Variants in PARD3B observed in about 807,000 individuals in gnomAD.
The protein encoded by PARD3B is par-3 family cell polarity regulator beta.
A neutral mutation model predicts 130.2 loss-of-function variants in PARD3B; 103 were observed. The observed-to-expected ratio is 0.79, with a 90% CI of 0.67 to 0.93. PARD3B has a LOEUF of 0.93. Among genes scored for constraint, PARD3B ranks in the 40% least tolerant of loss-of-function variants. PARD3B has a pLI of 0.00. For missense variants in PARD3B, 1,609 were observed against 1,499.2 expected, an observed-to-expected ratio of 1.07 and a Z score of -1.21; for synonymous variants, 583 against 553.2, an observed-to-expected ratio of 1.05 and a Z score of -0.76.
rs537177764 is a variant in PARD3B at position 205,483,932 on chromosome 2, A to G, written c.3045-15964A>G. ...ACATGTTACCTCCTTTCATCTTAAT[A>G]TGGAATGTACAACATAACACAACGC... On this transcript the variant is annotated intron_variant, in intron 20 of 22. Transcript: ENST00000406610. Among the ~76,000 whole-genome samples, 8 of 152,334 alleles carry G rather than the reference A, an allele frequency of 5.3e-5. No individual in the cohort carries two copies. The East Asian group carries it at 1.5e-3, about 29-fold the overall frequency.
In PARD3B at chr2:205,571,561, T is replaced by C. The variant is rs142833835; in HGVS notation, c.3260+18158T>C. On this transcript the variant is annotated intron_variant, in intron 22 of 22. Transcript: ENST00000406610. ...TATCTCAAAGAATCAACAGGGAGAG[T>C]AAAACAAAAATAACCAGATGTCCCA... Among the ~76,000 whole-genome samples the C allele has an allele frequency of 7.4e-3, 1,121 of 150,676 alleles. 13 individuals carry two copies. The highest frequency in any genetic ancestry group is 0.026 in the African/African-American group (1,066 of 41,024).
At chr2:205,452,373 C>T (rs1192664557) in intron 20 of PARD3B, among the ~76,000 whole-genome samples, 1 of 152,122 alleles carries the variant, frequency 6.6e-6, no homozygotes, top group African/African-American at 2.4e-5. Flanking sequence ...TGTGTAGGGA[C>T]TTGAACAGTG....
chr2:204,548,172 A>G (rs1248470148), intron 1 of PARD3B, among the ~76,000 whole-genome samples: 1 of 152,198 alleles, frequency 6.6e-6, no homozygotes, highest in Non-Finnish European at 1.5e-5. Flanking sequence ...TGGCACTAAA[A>G]GGTCAATAAA....
In PARD3B at chr2:204,678,190, A is replaced by C. The variant is rs1319827217; in HGVS notation, c.121-7991A>C. Among the ~76,000 whole-genome samples, 1 of 152,120 alleles carries C rather than the reference A, an allele frequency of 6.6e-6. No homozygotes were observed. The highest frequency in any genetic ancestry group is 2.4e-5 in the African/African-American group (1 of 41,420). On this transcript the variant is annotated intron_variant, in intron 1 of 22. Transcript: ENST00000406610. This position sits in a 1 kb window ranked among gnomAD's most constrained non-coding sequence, Gnocchi z 4.2. The stretch of plus-strand genomic sequence containing the variant: ...TTGTGGGAGGGGGAGCACGCAGGTG[A>C]GCAGGTGCAGGACCTGGGGCAAGTG...
At chr2:204,597,795 C>G (rs1227098171) in intron 1 of PARD3B, among the ~76,000 whole-genome samples, 2 of 152,010 alleles carry the variant, frequency 1.3e-5, no homozygotes, top group African/African-American at 4.8e-5. Context: ...CCTTTATAGA[C>G]CCTTGGTATT....
chr2:205,001,354 T>G (rs1020352983), intron 3 of PARD3B, among the ~76,000 whole-genome samples: 1 of 152,218 alleles, frequency 6.6e-6, no homozygotes, highest in African/African-American at 2.4e-5. Flanking sequence ...GGATCCTAAC[T>G]CTTTCTTTGG....
intron 18 of PARD3B, among the ~76,000 whole-genome samples, chr2:205,324,425 A>G (rs187477208): frequency 1.0e-3 from 154 of 152,300 alleles, no homozygotes; most frequent in African/African-American, 3.5e-3. Context: ...TACTTCTTTA[A>G]AAACAAGGAT....
rs1162593368 is a variant in PARD3B, at chr2:204,907,219, A to G, written c.223-57933A>G. Among the ~76,000 whole-genome samples, 2 of 152,064 alleles carry G rather than the reference A, an allele frequency of 1.3e-5. No homozygotes were observed. The highest frequency in any genetic ancestry group is 2.9e-5 in the Non-Finnish European group (2 of 68,014). On this transcript the variant is annotated intron_variant, in intron 2 of 22. Transcript: ENST00000406610. This position sits in a 1 kb window ranked among gnomAD's most constrained non-coding sequence, Gnocchi z 5.7. The stretch of plus-strand genomic sequence containing the variant: ...ATGGTCTTGATCTTCTGACCTTGTT[A>G]TCCACCCACCTCGGCCTCCCAAAGT...
chr2:205,306,398 C>T (rs976097425), intron 18 of PARD3B, among the ~76,000 whole-genome samples: 2 of 152,052 alleles, frequency 1.3e-5, no homozygotes, highest in African/African-American at 4.8e-5. Flanking sequence ...AAGGTGTTAA[C>T]GAAAAACACT....
chr2:204,926,204 C>G (rs1687604307), intron 2 of PARD3B, among the ~76,000 whole-genome samples: 1 of 151,962 alleles, frequency 6.6e-6, no homozygotes. Context: ...AAAGTAATCC[C>G]CCAGAGAAAA....
intron 16 of PARD3B, among the ~76,000 whole-genome samples, chr2:205,296,044 A>T (rs2105888350): frequency 6.6e-6 from 1 of 152,304 alleles, no homozygotes; most frequent in East Asian, 1.9e-4. Flanking sequence ...GAATTCAATG[A>T]TGGATTGAAC....
intron 4 of PARD3B, among the ~76,000 whole-genome samples, chr2:205,092,583 G>T (rs778334436): frequency 6.6e-6 from 1 of 152,172 alleles, no homozygotes; most frequent in South Asian, 2.1e-4. Context: ...GAAGAGGACA[G>T]TTGCCCCAAG....
intron 2 of PARD3B, among the ~76,000 whole-genome samples, chr2:204,808,458 A>G (rs1198567172): frequency 1.3e-5 from 2 of 152,056 alleles, no homozygotes; most frequent in African/African-American, 4.8e-5. Context: ...CTAGTACCCA[A>G]TAGCTGTTTT....
chr2:205,614,564 G>A (rs951896008), intron 22 of PARD3B, among the ~76,000 whole-genome samples: 5 of 152,014 alleles, frequency 3.3e-5, no homozygotes, highest in African/African-American at 1.2e-4. Flanking sequence ...AACTTAGTCA[G>A]GTGTAGTGGT....
intron 18 of PARD3B, among the ~76,000 whole-genome samples, chr2:205,356,405 G>A (rs1385229581): frequency 6.6e-6 from 1 of 152,064 alleles, no homozygotes; most frequent in African/African-American, 2.4e-5. Context: ...AGGCTGGAGT[G>A]CAGAGGAATG....
intron 1 of PARD3B, among the ~76,000 whole-genome samples, chr2:204,656,204 T>G (rs528855038): frequency 5.9e-5 from 9 of 151,936 alleles, no homozygotes; most frequent in African/African-American, 2.2e-4. Flanking sequence ...TGCTGCAGAG[T>G]TGCATGGCAA....
intron 1 of PARD3B, among the ~76,000 whole-genome samples, chr2:204,650,073 C>A (rs1012964477): frequency 1.1e-4 from 16 of 151,796 alleles, no homozygotes; most frequent in South Asian, 6.2e-4. Flanking sequence ...AGAAAAAAAA[C>A]CCATTAAAAA....
At chr2:205,515,658 G>T (rs911016668) in intron 21 of PARD3B, among the ~76,000 whole-genome samples, 3 of 151,636 alleles carry the variant, frequency 2.0e-5, no homozygotes, top group Non-Finnish European at 2.9e-5. Context: ...TTTTTCTCTT[G>T]TAAATTTAAG....
chr2:205,101,171 A>T (rs994616201), intron 4 of PARD3B, among the ~76,000 whole-genome samples: 5 of 152,212 alleles, frequency 3.3e-5, no homozygotes, highest in Non-Finnish European at 5.9e-5. Context: ...TTCTCCAAAG[A>T]AGATACACAA....
Sources: allele counts gnomAD v4.1 joint callset (sites outside exome capture counted in the v4.1 genomes callset), GRCh38; gene constraint gnomAD v4.1.1; non-coding constraint Gnocchi (gnomAD v3.1); transcripts MANE v1.5; gene names NCBI Gene and HGNC (gene_info 2026-07-23, HGNC 2026-07-21).